RTL4: variants seen among roughly 807,000 people sequenced by gnomAD.
RTL4 encodes the protein retrotransposon Gag like 4, also known as retrotransposon Gag-like protein 4.
Under a neutral mutation model 5.3 loss-of-function variants are expected in RTL4, and 4 were observed. The ratio of observed to expected loss-of-function variants is 0.75; its 90% CI spans 0.37 to 1.72. The LOEUF (loss-of-function observed/expected upper bound fraction) is 1.72. Among genes scored for constraint, RTL4 ranks in the 40% most tolerant of loss-of-function variants. The probability of loss-of-function intolerance (pLI) is 0.04; values close to 1 mark genes in which losing one functional copy is unlikely to be tolerated. For synonymous variants in RTL4, 98 were observed against 87.3 expected (o/e 1.12, Z -0.68); for missense variants, 260 against 227.1 (o/e 1.14, Z -0.93).
At chrX:112,350,510 G>A in the RTL4 span, among the ~76,000 whole-genome samples, 3 of 110,569 alleles carry the variant, frequency 2.7e-5, no homozygotes, top group Non-Finnish European at 5.7e-5. Flanking sequence ...CTTTTTGGTT[G>A]GTAAGCTATT....
chrX:112,085,618 G>T, the RTL4 span, among the ~76,000 whole-genome samples: 2 of 111,629 alleles, frequency 1.8e-5, no homozygotes, highest in Non-Finnish European at 3.8e-5. Flanking sequence ...GCCTCTGTCT[G>T]TTAGATTCCA....
At chrX:112,333,630 C>A in the RTL4 span, among the ~76,000 whole-genome samples, 2 of 111,321 alleles carry the variant, frequency 1.8e-5, no homozygotes, top group African/African-American at 6.5e-5. Flanking sequence ...AATGCTCCAA[C>A]TGGCATTTTA....
At chrX:112,100,394 T>G in the RTL4 span, among the ~76,000 whole-genome samples, 1 of 112,067 alleles carries the variant, frequency 8.9e-6, no homozygotes, top group Non-Finnish European at 1.9e-5. Context: ...AAATGAGGGT[T>G]ATTTTTTACT....
At chrX:112,362,532 C>T in the RTL4 span, among the ~76,000 whole-genome samples, 1 of 111,069 alleles carries the variant, frequency 9.0e-6, no homozygotes, top group East Asian at 2.8e-4. Flanking sequence ...TGTTTTCAGG[C>T]AGAGGGAACA....
the RTL4 span, among the ~76,000 whole-genome samples, chrX:112,089,623 C>A: frequency 9.0e-6 from 1 of 111,477 alleles, no homozygotes; most frequent in Admixed American, 9.5e-5. Flanking sequence ...TTATGCCATA[C>A]CACACCGTTT....
the RTL4 span, among the ~76,000 whole-genome samples, chrX:112,321,655 T>C: frequency 8.9e-6 from 1 of 111,909 alleles, no homozygotes; most frequent in Non-Finnish European, 1.9e-5. Context: ...AGACGTATTG[T>C]AGTAACTGGT....
the RTL4 span, among the ~76,000 whole-genome samples, chrX:112,355,068 A>G: frequency 9.0e-6 from 1 of 111,644 alleles, no homozygotes; most frequent in Non-Finnish European, 1.9e-5. Context: ...GTCTCTGAGA[A>G]CTGGTTTGTT....
chrX:112,420,392 A>C, the RTL4 span, among the ~76,000 whole-genome samples: 1 of 111,180 alleles, frequency 9.0e-6, no homozygotes, highest in East Asian at 2.8e-4. Context: ...ACTATAAAAG[A>C]GTTAAAGGAG....
the RTL4 span, among the ~76,000 whole-genome samples, chrX:112,366,678 AT>A: frequency 3.6e-5 from 4 of 111,641 alleles, no homozygotes; most frequent in Admixed American, 2.8e-4. Context: ...TAGCCCCCCT[AT>A]TTTTTTGTAT....
the RTL4 span, among the ~76,000 whole-genome samples, chrX:112,328,463 C>A: frequency 9.0e-6 from 1 of 111,528 alleles, no homozygotes; most frequent in Non-Finnish European, 1.9e-5. Flanking sequence ...GCTAACTATC[C>A]TAAATATATA....
At chrX:112,363,305 A>G in the RTL4 span, among the ~76,000 whole-genome samples, 1 of 111,237 alleles carries the variant, frequency 9.0e-6, no homozygotes, top group African/African-American at 3.3e-5. Flanking sequence ...ATTTCTTCCT[A>G]TTAAATGGTT....
At chrX:112,442,941 A>G in the RTL4 span, among the ~76,000 whole-genome samples, 1 of 111,468 alleles carries the variant, frequency 9.0e-6, no homozygotes, top group South Asian at 3.8e-4. Flanking sequence ...GTTATTTTTA[A>G]ATGTACAATT....
At chrX:112,449,559 T>A (rs912570932), upstream of RTL4, among the ~76,000 whole-genome samples, 2 of 111,667 alleles carry the variant, frequency 1.8e-5, no homozygotes, top group Non-Finnish European at 3.8e-5. Context: ...AAAATGGAGA[T>A]CAAATTCAGA....
At chrX:112,119,148 C>CT in the RTL4 span, among the ~76,000 whole-genome samples, 4 of 109,220 alleles carry the variant, frequency 3.7e-5, no homozygotes, top group Non-Finnish European at 7.6e-5. Flanking sequence ...CCATTTTGTA[C>CT]TTTTTTTTCT....
At chrX:112,426,969 C>A in the RTL4 span, among the ~76,000 whole-genome samples, 1 of 110,735 alleles carries the variant, frequency 9.0e-6, no homozygotes, top group African/African-American at 3.3e-5. Flanking sequence ...AAACAGAAGG[C>A]ACCAGGCCCA....
chrX:112,328,468 T>C, the RTL4 span, among the ~76,000 whole-genome samples: 22 of 111,665 alleles, frequency 2.0e-4, no homozygotes, highest in South Asian at 3.8e-3. Context: ...CTATCCTAAA[T>C]ATATATGCAC....
At chrX:112,246,001 C>A in the RTL4 span, among the ~76,000 whole-genome samples, 1 of 112,336 alleles carries the variant, frequency 8.9e-6, no homozygotes. Context: ...CACTCCAGAC[C>A]CTGTTTCCCA....
At chrX:112,375,183 C>T in the RTL4 span, among the ~76,000 whole-genome samples, 1 of 110,736 alleles carries the variant, frequency 9.0e-6, no homozygotes, top group Non-Finnish European at 1.9e-5. Context: ...GAGACAGTTG[C>T]GCTTGTCATC....
At chrX:112,124,259 T>C in the RTL4 span, among the ~76,000 whole-genome samples, 1 of 112,129 alleles carries the variant, frequency 8.9e-6, no homozygotes, top group South Asian at 3.7e-4. Flanking sequence ...GAAGACAGTA[T>C]GGCAATTCCT....
Sources: allele counts gnomAD v4.1 joint callset (sites outside exome capture counted in the v4.1 genomes callset), GRCh38; gene constraint gnomAD v4.1.1; transcripts MANE v1.5; gene names NCBI Gene and HGNC (gene_info 2026-07-23, HGNC 2026-07-21).